The following CMKLR1 variants were observed in gnomAD, a reference collection of about 807,000 sequenced individuals.
CMKLR1 encodes chemerin chemokine-like receptor 1.
A neutral mutation model predicts 8.2 loss-of-function variants in CMKLR1; 6 were observed. The observed-to-expected ratio is 0.73, with a 90% CI of 0.40 to 1.44. The LOEUF (loss-of-function observed/expected upper bound fraction) is 1.44, where lower values mean the gene tolerates loss of function less well. Ranked by LOEUF, CMKLR1 falls within the 40% of genes most tolerant of loss-of-function variation. The pLI is 0.02. For missense variants in CMKLR1, 429 were observed against 478.0 expected (o/e 0.90, Z 0.96); for synonymous variants, 178 against 181.2 (o/e 0.98, Z 0.14).
At chr12:108,305,184 G>C (rs1222757690) in intron 2 of CMKLR1, among the ~76,000 whole-genome samples, 1 of 152,138 alleles carries the variant, frequency 6.6e-6, no homozygotes, top group East Asian at 1.9e-4. Context: ...TCTTGTTTAT[G>C]GTGTATCCCC....
At chr12:108,302,651 C>G (rs1455001963) in intron 2 of CMKLR1, among the ~76,000 whole-genome samples, 1 of 152,174 alleles carries the variant, frequency 6.6e-6, no homozygotes, top group African/African-American at 2.4e-5. Context: ...CCCAGCCACT[C>G]CCAGCCTCAG....
chr12:108,310,472 G>T (rs563273326), intron 2 of CMKLR1, among the ~76,000 whole-genome samples: 6 of 152,140 alleles, frequency 3.9e-5, no homozygotes, highest in African/African-American at 1.4e-4. Flanking sequence ...CCCAGAAAGT[G>T]CAGTTTTTGG....
intron 2 of CMKLR1, among the ~76,000 whole-genome samples, chr12:108,311,790 A>T (rs1052142899): frequency 1.3e-5 from 2 of 152,116 alleles, no homozygotes; most frequent in African/African-American, 4.8e-5. Flanking sequence ...GCGACCCCTG[A>T]CCCAGGACAG....
intron 2 of CMKLR1, among the ~76,000 whole-genome samples, chr12:108,324,360 C>A (rs1338980165): frequency 6.6e-6 from 1 of 152,184 alleles, no homozygotes; most frequent in Admixed American, 6.5e-5. Flanking sequence ...GCTGTGTGAC[C>A]TTGGGCAAGT....
At chr12:108,323,857 G>A (rs953305732) in intron 2 of CMKLR1, among the ~76,000 whole-genome samples, 9 of 152,324 alleles carry the variant, frequency 5.9e-5, no homozygotes, top group Admixed American at 3.3e-4. Flanking sequence ...ACAGACAGTG[G>A]CACAGGGGCC....
chr12:108,298,430 G>C (rs181095212), intron 2 of CMKLR1, among the ~76,000 whole-genome samples: 69 of 152,234 alleles, frequency 4.5e-4, no homozygotes, highest in African/African-American at 1.5e-3. Flanking sequence ...TCCACATCTG[G>C]GTTTGCTCTG....
In CMKLR1 at chr12:108,290,481, A is replaced by G. The variant is rs1203259471; in HGVS notation, c.*1360T>C. On this transcript the variant is annotated 3_prime_UTR_variant, in exon 4 of 4. Coordinates refer to ENST00000550402, the MANE Select transcript of CMKLR1 (RefSeq NM_001142343.2). ...CTAAATAAATGTAGGCTATCAATAT[A>G]CTAGAATAATCTCCACAGATAAATT... 6.6e-6 allele frequency: 1 copy of G among 152,244 alleles called. No homozygotes were observed. The highest frequency in any genetic ancestry group is 1.5e-5 in the Non-Finnish European group (1 of 68,052). 9.4% of individuals were successfully genotyped at this position (152,244 alleles called of 1,614,324 possible).
intron 2 of CMKLR1, among the ~76,000 whole-genome samples, chr12:108,320,189 TGGA>T (rs1192986522): frequency 2.0e-5 from 3 of 152,166 alleles, no homozygotes; most frequent in Non-Finnish European, 4.4e-5. Context: ...ATGATACAGC[TGGA>T]GAAGAAGGTT....
intron 2 of CMKLR1, among the ~76,000 whole-genome samples, chr12:108,328,562 G>C (rs1443996640): frequency 6.6e-6 from 1 of 152,232 alleles, no homozygotes; most frequent in African/African-American, 2.4e-5. Flanking sequence ...AGAAAGCGGA[G>C]CAGCTGCCTC....
At chr12:108,299,431 T>C (rs1891211376) in intron 2 of CMKLR1, among the ~76,000 whole-genome samples, 1 of 152,172 alleles carries the variant, frequency 6.6e-6, no homozygotes, top group Non-Finnish European at 1.5e-5. Flanking sequence ...GCAACCAGGT[T>C]CAGGCATCCT....
chr12:108,327,070 C>T (rs1891996327), intron 2 of CMKLR1, among the ~76,000 whole-genome samples: 1 of 152,188 alleles, frequency 6.6e-6, no homozygotes, highest in African/African-American at 2.4e-5. Context: ...GATTTGAACT[C>T]AGGTCTAACT....
At chr12:108,311,801 G>T (rs1037153462) in intron 2 of CMKLR1, among the ~76,000 whole-genome samples, 22 of 152,288 alleles carry the variant, frequency 1.4e-4, no homozygotes, top group African/African-American at 4.8e-4. Context: ...CCCAGGACAG[G>T]GCTGCAGGAC....
At chr12:108,314,903 TTCTC>T (rs1428954827) in intron 2 of CMKLR1, among the ~76,000 whole-genome samples, 1 of 151,552 alleles carries the variant, frequency 6.6e-6, no homozygotes, top group African/African-American at 2.4e-5. Flanking sequence ...AGGGACATCA[TTCTC>T]TATGGCCCAG....
chr12:108,334,455 C>T (rs773130190), intron 1 of CMKLR1, among the ~76,000 whole-genome samples: 19 of 152,248 alleles, frequency 1.2e-4, no homozygotes, highest in Admixed American at 3.9e-4. Flanking sequence ...TTCTCTTTTA[C>T]ACAGCCAGTG....
intron 2 of CMKLR1, among the ~76,000 whole-genome samples, chr12:108,302,451 T>C (rs1433785060): frequency 6.6e-6 from 1 of 152,184 alleles, no homozygotes; most frequent in East Asian, 1.9e-4. Context: ...AAAAGTGATT[T>C]ATTAAGGAAG....
chr12:108,338,215 G>C (rs1268445770), intron 1 of CMKLR1, among the ~76,000 whole-genome samples: 1 of 152,164 alleles, frequency 6.6e-6, no homozygotes, highest in African/African-American at 2.4e-5. Flanking sequence ...TCAACAGAGA[G>C]TGCCGGCAAA....
chr12:108,336,549 GA>G (rs771587283), intron 1 of CMKLR1, among the ~76,000 whole-genome samples: 424 of 136,540 alleles, frequency 3.1e-3, no homozygotes, highest in Admixed American at 3.1e-3. Flanking sequence ...CCATCTCCAG[GA>G]AAAAAAAAAA....
In CMKLR1 at chr12:108,291,642, G is replaced by A. The variant is rs1408412201; in HGVS notation, c.*199C>T. Reference sequence around the variant, plus strand: ...AAGCATAAATTGCTAGTCCAAGGCTGTATGGAACACAGCATGTTCTGTCCA... The same window carrying A: ...AAGCATAAATTGCTAGTCCAAGGCTATATGGAACACAGCATGTTCTGTCCA... On this transcript the variant is annotated 3_prime_UTR_variant, in exon 4 of 4. Transcript: ENST00000550402. 1.6e-6 allele frequency: 1 copy of A among 613,218 alleles called. No homozygotes were observed. The highest frequency in any genetic ancestry group is 2.7e-5 in the East Asian group (1 of 36,474). The allele number at this position is 613,218 out of a possible 1,614,324, so 38.0% of individuals were successfully genotyped here.
intron 1 of CMKLR1, among the ~76,000 whole-genome samples, chr12:108,332,203 G>A (rs1021214761): frequency 3.9e-5 from 6 of 152,220 alleles, no homozygotes; most frequent in Non-Finnish European, 5.9e-5. Flanking sequence ...GAGGCCTAAA[G>A]AGGTTATATG....
Sources: gnomAD v4.1 joint callset for allele counts (sites outside exome capture counted in the v4.1 genomes callset) on GRCh38, gnomAD v4.1.1 for gene constraint, MANE v1.5 for transcripts, NCBI Gene and HGNC (gene_info 2026-07-23, HGNC 2026-07-21) for gene names.